MAGI1: variants seen among roughly 807,000 people sequenced by gnomAD.
MAGI1 encodes membrane associated guanylate kinase, WW and PDZ domain containing 1.
In MAGI1, 58 loss-of-function variants were observed where a neutral mutation model predicts 139.9. That is an observed-to-expected ratio of 0.41 (90% CI 0.34 to 0.52). MAGI1 has a LOEUF of 0.52. Among genes scored for constraint, MAGI1 ranks in the 20% least tolerant of loss-of-function variants. The pLI is 0.12. For missense variants in MAGI1, 1,874 were observed against 1,901.6 expected (o/e 0.99, Z 0.27); for synonymous variants, 812 against 737.9 (o/e 1.10, Z -1.63).
chr3:65,530,371 G>C (rs1048189425), intron 2 of MAGI1, among the ~76,000 whole-genome samples: 1 of 151,968 alleles, frequency 6.6e-6, no homozygotes, highest in Non-Finnish European at 1.5e-5. Flanking sequence ...ATATAGGTTT[G>C]GAGAGGCTGA....
chr3:65,710,496 C>T (rs555446448), intron 1 of MAGI1, among the ~76,000 whole-genome samples: 3 of 151,924 alleles, frequency 2.0e-5, no homozygotes, highest in Admixed American at 6.6e-5. Context: ...AGGCTGGTCT[C>T]GAACTCCTGA....
At chr3:65,541,180 A>G (rs904528538) in intron 2 of MAGI1, among the ~76,000 whole-genome samples, 2 of 152,214 alleles carry the variant, frequency 1.3e-5, no homozygotes, top group Non-Finnish European at 2.9e-5. Context: ...GAAGAAATGG[A>G]CAAATTCCTG....
In MAGI1 at chr3:65,355,752, A is replaced by G. The variant is rs986897118; in HGVS notation, c.*626T>C. ...CTGTTTTCTGAACCAACTATAACTC[A>G]CAATATAAAACTTCTTTGTGCTGCG... On this transcript the variant is annotated 3_prime_UTR_variant, in exon 23 of 23. Transcript: ENST00000402939. The G allele has an allele frequency of 2.6e-5, 4 of 152,616 alleles. No individual in the cohort carries two copies. Among genetic ancestry groups the G allele is most frequent in the Non-Finnish European group, 4.4e-5 (3 of 68,050 alleles). The allele number at this position is 152,616 out of a possible 1,614,324, so 9.5% of individuals were successfully genotyped here.
intron 1 of MAGI1, among the ~76,000 whole-genome samples, chr3:65,775,006 C>T (rs1455922123): frequency 6.6e-6 from 1 of 152,146 alleles, no homozygotes; most frequent in Non-Finnish European, 1.5e-5. Flanking sequence ...ACCCAGCATA[C>T]AATAAGAGCT....
intron 3 of MAGI1, among the ~76,000 whole-genome samples, 173 bp downstream of exon 3, chr3:65,493,339 A>G (rs1952194001): frequency 6.6e-6 from 1 of 152,214 alleles, no homozygotes; most frequent in African/African-American, 2.4e-5. Flanking sequence ...AAAGAACTCC[A>G]CAAAGCCTTA....
intron 1 of MAGI1, among the ~76,000 whole-genome samples, chr3:65,705,658 G>A (rs2030122102): frequency 6.6e-6 from 1 of 152,168 alleles, no homozygotes; most frequent in African/African-American, 2.4e-5. Context: ...AACAGATCTT[G>A]AACATTTTCA....
At position 65,987,842 on chromosome 3, in the gene MAGI1, TAC is replaced by T. The variant is rs2065958999; in HGVS notation, c.313+50152_313+50153del. Among the ~76,000 whole-genome samples, 4 of 152,230 alleles carry T rather than the reference TAC, an allele frequency of 2.6e-5. No individual in the cohort carries two copies. In the South Asian group the frequency reaches 8.3e-4, roughly 31 times the overall value. On this transcript the variant is annotated intron_variant, in intron 1 of 22. Transcript: ENST00000402939. ...CCTTGGCCTCCCAATGTATTGAGAT[TAC>T]AGTCATGAGCCACTGCTCCCGACTA...
chr3:66,033,444 GGTT>G (rs1173408659), intron 1 of MAGI1, among the ~76,000 whole-genome samples: 1 of 152,162 alleles, frequency 6.6e-6, no homozygotes, highest in Non-Finnish European at 1.5e-5. Context: ...TACTAGCACT[GGTT>G]GTTAAGCATT....
At chr3:66,009,554 T>C (rs2067214237) in intron 1 of MAGI1, among the ~76,000 whole-genome samples, 1 of 152,190 alleles carries the variant, frequency 6.6e-6, no homozygotes, top group East Asian at 1.9e-4. Flanking sequence ...GACCTGGTTC[T>C]ACCCCTGACT....
chr3:65,832,618 T>C (rs78556182), intron 1 of MAGI1, among the ~76,000 whole-genome samples: 2,316 of 152,136 alleles, frequency 0.015, 63 homozygotes, highest in African/African-American at 0.049. Flanking sequence ...CTTCCAACAA[T>C]TACCATGTGT....
At chr3:65,632,996 A>C (rs2084398498) in intron 1 of MAGI1, among the ~76,000 whole-genome samples, 1 of 152,212 alleles carries the variant, frequency 6.6e-6, no homozygotes, top group African/African-American at 2.4e-5. Context: ...CATGAAATAA[A>C]AATGACTGGT....
chr3:65,381,795 CAAG>C, intron 16 of MAGI1, 79 bp downstream of exon 16: 2 of 1,296,516 alleles, frequency 1.5e-6, no homozygotes, highest in Non-Finnish European at 2.1e-6. Flanking sequence ...AATAGACGCT[CAAG>C]GAGGCAGACA....
chr3:65,731,383 TG>T (rs1299963563), intron 1 of MAGI1, among the ~76,000 whole-genome samples: 1 of 151,992 alleles, frequency 6.6e-6, no homozygotes, highest in Non-Finnish European at 1.5e-5. Context: ...CCAGGCATGA[TG>T]GCTCACACCT....
intron 1 of MAGI1, among the ~76,000 whole-genome samples, chr3:65,771,487 T>A (rs1479098025): frequency 6.6e-6 from 1 of 152,176 alleles, no homozygotes; most frequent in Non-Finnish European, 1.5e-5. Context: ...TATTTCATCA[T>A]AAATAAAGAA....
At chr3:65,885,884 T>G (rs930324641) in intron 1 of MAGI1, among the ~76,000 whole-genome samples, 20 of 152,232 alleles carry the variant, frequency 1.3e-4, no homozygotes, top group African/African-American at 4.8e-4. Context: ...TAAATGCTCA[T>G]GTGCTTATAG....
At chr3:65,918,207 T>C (rs2062000373) in intron 1 of MAGI1, among the ~76,000 whole-genome samples, 1 of 152,150 alleles carries the variant, frequency 6.6e-6, no homozygotes. Context: ...TAAACATGAA[T>C]TCCTATCATT....
At chr3:65,790,573 T>C (rs528862455) in intron 1 of MAGI1, among the ~76,000 whole-genome samples, 1 of 152,332 alleles carries the variant, frequency 6.6e-6, no homozygotes, top group African/African-American at 2.4e-5. Context: ...CTATTTTTCC[T>C]ACAACACAGA....
chr3:65,897,991 T>C (rs2061054323), intron 1 of MAGI1, among the ~76,000 whole-genome samples: 3 of 152,162 alleles, frequency 2.0e-5, no homozygotes, highest in African/African-American at 2.4e-5. Context: ...GAAAGACAGA[T>C]GTTTTCTCCC....
chr3:65,478,632 C>T lies in MAGI1; in HGVS notation c.717G>A (p.Glu239=), dbSNP rs1241931136. 6.2e-7 allele frequency: 1 copy of T among 1,614,090 alleles called. No individual in the cohort carries two copies. Among genetic ancestry groups the T allele is most frequent in the Admixed American group, 1.7e-5 (1 of 60,004 alleles). The change falls in exon 4 of 23, where the codon GAG becomes GAA. Residue 239 remains glutamate, a synonymous_variant. Transcript: ENST00000402939. ...QNAGIVHAEN[E]EEDDVPEMNS... ...TCATTTCAGGAACGTCATCCTCCTC[C>T]TCATTCTCCGCGTGGACTATGCCAG...
Sources: allele counts gnomAD v4.1 joint callset (sites outside exome capture counted in the v4.1 genomes callset), GRCh38; gene constraint gnomAD v4.1.1; transcripts MANE v1.5; gene names NCBI Gene and HGNC (gene_info 2026-07-23, HGNC 2026-07-21).